The following DAAM2 variants were observed in gnomAD, a reference collection of about 807,000 sequenced individuals.
DAAM2 encodes dishevelled associated activator of morphogenesis 2.
Under a neutral mutation model 120.7 loss-of-function variants are expected in DAAM2, and 39 were observed. The ratio of observed to expected loss-of-function variants is 0.32; its 90% confidence interval spans 0.25 to 0.42. The LOEUF (loss-of-function observed/expected upper bound fraction) is 0.42. DAAM2 is among the 10% of genes least tolerant of loss of function. The pLI, the probability that DAAM2 is intolerant of heterozygous loss-of-function variation, is 1.00. For missense variants in DAAM2, 1,283 were observed against 1,401.7 expected (o/e 0.92, Z 1.35); for synonymous variants, 488 against 524.9 (o/e 0.93, Z 0.96).
At chr6:39,864,358 CG>C in intron 3 of DAAM2, 74 bp from the exon 4 acceptor site, 2 of 1,156,496 alleles carry the variant, frequency 1.7e-6, no homozygotes, top group Non-Finnish European at 2.5e-6. Flanking sequence ...TCTGCTGACA[CG>C]GAATGAAGCT....
At chr6:39,805,119 C>T (rs999075444) in intron 1 of DAAM2, among the ~76,000 whole-genome samples, 2 of 152,124 alleles carry the variant, frequency 1.3e-5, no homozygotes, top group African/African-American at 4.8e-5. Flanking sequence ...CTTATTAAGC[C>T]CACAGCTGCA....
At chr6:39,797,517 C>T (rs1476812812) in intron 1 of DAAM2, among the ~76,000 whole-genome samples, 1 of 152,200 alleles carries the variant, frequency 6.6e-6, no homozygotes, top group African/African-American at 2.4e-5. Context: ...CAGTGGGTCT[C>T]AACCCTGGCT....
intron 19 of DAAM2, among the ~76,000 whole-genome samples, chr6:39,892,259 A>G (rs1386235479): frequency 6.6e-6 from 1 of 152,244 alleles, no homozygotes; most frequent in Non-Finnish European, 1.5e-5. Context: ...CCATGCGCCA[A>G]GCACTGTGTG....
At chr6:39,831,940 C>T (rs1167556347) in intron 1 of DAAM2, among the ~76,000 whole-genome samples, 30 of 72,850 alleles carry the variant, frequency 4.1e-4, no homozygotes, top group Non-Finnish European at 7.4e-4. Context: ...GTGCGAGGGC[C>T]GGGGCACTGG....
intron 1 of DAAM2, among the ~76,000 whole-genome samples, chr6:39,831,908 G>A (rs1252365944): frequency 8.6e-6 from 1 of 116,260 alleles, no homozygotes; most frequent in African/African-American, 3.5e-5. Context: ...TGGGGGGCAG[G>A]TGCACTGAAG....
chr6:39,852,433 G>A lies in DAAM2; in HGVS notation c.-56-3814G>A, dbSNP rs1200475274. On this transcript the variant is annotated intron_variant, in intron 1 of 24. Coordinates refer to ENST00000274867, the MANE Select transcript of DAAM2 (RefSeq NM_001201427.2). ...AAAGCACAGCTCCCCTGGCCTAGAG[G>A]AAGGCAGAGCTGGGTGACTTCATAA... is the stretch of plus-strand genomic sequence containing the variant. Among the ~76,000 whole-genome samples, 4 of 152,298 alleles carry A rather than the reference G, an allele frequency of 2.6e-5. No homozygotes were observed. In the East Asian group the frequency reaches 7.7e-4, roughly 29 times the overall value.
At chr6:39,807,293 G>T (rs1561995506) in intron 1 of DAAM2, among the ~76,000 whole-genome samples, 1 of 151,894 alleles carries the variant, frequency 6.6e-6, no homozygotes, top group African/African-American at 2.4e-5. Context: ...GTTGCAGAAG[G>T]ATGCCATTGC....
At chr6:39,881,407 G>A (rs145249608) in intron 14 of DAAM2, among the ~76,000 whole-genome samples, 1 of 152,336 alleles carries the variant, frequency 6.6e-6, no homozygotes, top group East Asian at 1.9e-4. Context: ...TGTAAGTGGG[G>A]CAATAATAAT....
chr6:39,831,965 G>GGGGGGGTAGGTGCACT (rs1266977904), intron 1 of DAAM2, among the ~76,000 whole-genome samples: 3 of 118,534 alleles, frequency 2.5e-5, no homozygotes, highest in Admixed American at 8.5e-5. Flanking sequence ...TAGGTGCACT[G>GGGGGGGTAGGTGCACT]GGGGGGTAGG....
chr6:39,827,774 A>G (rs4345393), intron 1 of DAAM2, among the ~76,000 whole-genome samples: 143,185 of 152,084 alleles, frequency 0.94, 67,583 homozygotes, highest in Admixed American at 0.97. Context: ...CTGGAAAATC[A>G]CAAACCCAGT....
chr6:39,809,067 TAGAGAG>T (rs903262704), intron 1 of DAAM2, among the ~76,000 whole-genome samples: 8 of 151,326 alleles, frequency 5.3e-5, no homozygotes, highest in African/African-American at 1.7e-4. Flanking sequence ...GAGGAGGGAG[TAGAGAG>T]ATGGTGACGC....
intron 1 of DAAM2, among the ~76,000 whole-genome samples, chr6:39,804,522 C>CTGTGTGTGTGTGTGTG (rs10688621): frequency 2.0e-5 from 3 of 149,452 alleles, no homozygotes; most frequent in East Asian, 2.0e-4. Context: ...GAGATCAGTT[C>CTGTGTGTGTGTGTGTG]TGTGTGTGTG....
At chr6:39,896,780 T>G (rs111646762) in intron 19 of DAAM2, 32 bp from the exon 20 acceptor site, 2 of 1,530,280 alleles carry the variant, frequency 1.3e-6, no homozygotes, top group Non-Finnish European at 1.8e-6. Context: ...GCCTAGCCCA[T>G]GCAGGCCTCT....
intron 1 of DAAM2, among the ~76,000 whole-genome samples, chr6:39,799,424 G>A (rs775429445): frequency 1.7e-4 from 26 of 152,192 alleles, no homozygotes; most frequent in Non-Finnish European, 5.9e-5. Context: ...CAGTTTTGCT[G>A]TTTGACTACA....
In DAAM2 at chr6:39,879,348, A is replaced by T; in HGVS notation, c.1716A>T (p.Pro572=). 1 of 1,041,514 alleles carries T rather than the reference A, an allele frequency of 9.6e-7. No individual in the cohort carries two copies. The highest frequency in any genetic ancestry group is 1.2e-6 in the Non-Finnish European group (1 of 852,414). The allele number at this position is 1,041,514 out of a possible 1,614,324, so 64.5% of individuals were successfully genotyped here. A position where few individuals can be genotyped will look rare whatever the true frequency, so the allele number is the denominator to read the frequency against. The part of the protein sequence containing the change: ...PGGPPTPPGA[P]PCLGMGLPLP... Reference sequence around the variant, plus strand: ...GACCCCCGACTCCCCCAGGTGCCCCACCTTGCCTCGGCATGGGCCTGCCCC... The same window carrying T: ...GACCCCCGACTCCCCCAGGTGCCCCTCCTTGCCTCGGCATGGGCCTGCCCC... Residue 572 remains proline, a synonymous_variant, in exon 14 of 25, where the codon CCA becomes CCT. Transcript: ENST00000274867.
chr6:39,860,624 C>A (rs1471139024), intron 2 of DAAM2, among the ~76,000 whole-genome samples: 1 of 152,144 alleles, frequency 6.6e-6, no homozygotes, highest in Non-Finnish European at 1.5e-5. Context: ...CAAAGCAATG[C>A]AGGCGATGGG....
chr6:39,859,547 C>T (rs1200414300), intron 2 of DAAM2, among the ~76,000 whole-genome samples: 2 of 152,094 alleles, frequency 1.3e-5, no homozygotes, highest in African/African-American at 4.8e-5. Context: ...CAGTCCCTGG[C>T]CACGTGGGAC....
At chr6:39,854,870 A>G (rs1328639084) in intron 1 of DAAM2, among the ~76,000 whole-genome samples, 2 of 152,154 alleles carry the variant, frequency 1.3e-5, no homozygotes, top group Non-Finnish European at 2.9e-5. Context: ...GTCCCCTGAG[A>G]GTATTGATGA....
intron 2 of DAAM2, 52 bp from the exon 3 acceptor site, chr6:39,860,876 T>C: frequency 7.0e-7 from 1 of 1,437,350 alleles, no homozygotes; most frequent in Non-Finnish European, 9.7e-7. Flanking sequence ...CTGACTATTC[T>C]AATCTCAACC....
Sources: gnomAD v4.1 joint callset for allele counts (sites outside exome capture counted in the v4.1 genomes callset) on GRCh38, gnomAD v4.1.1 for gene constraint, MANE v1.5 for transcripts, NCBI Gene and HGNC (gene_info 2026-07-23, HGNC 2026-07-21) for gene names.